The following PCDHGB7 variants were observed in gnomAD, a reference collection of about 807,000 sequenced individuals.
PCDHGB7 encodes the protein protocadherin gamma subfamily B, 7, also known as protocadherin gamma-B7.
In PCDHGB7, 37 loss-of-function variants were observed where a neutral mutation model predicts 61.4. The observed-to-expected ratio is 0.60, with a 90% CI of 0.46 to 0.79. The LOEUF is 0.79. Ranked by LOEUF, PCDHGB7 falls within the 30% of genes least tolerant of loss-of-function variation. The probability of loss-of-function intolerance (pLI) is 0.00; values close to 1 mark genes in which losing one functional copy is unlikely to be tolerated. For synonymous variants in PCDHGB7, 464 were observed against 503.5 expected, an observed-to-expected ratio of 0.92 and a Z score of 1.05; for missense variants, 1,166 against 1,202.5, an observed-to-expected ratio of 0.97 and a Z score of 0.45.
chr5:141,494,510 C>T (rs1462702765), intron 1 of PCDHGB7, among the ~76,000 whole-genome samples: 1 of 152,156 alleles, frequency 6.6e-6, no homozygotes, highest in Non-Finnish European at 1.5e-5. Context: ...TGAATTTTGG[C>T]TCAGGAGTTC....
intron 3 of PCDHGB7, among the ~76,000 whole-genome samples, chr5:141,506,032 G>A (rs994735467): frequency 5.9e-5 from 9 of 152,166 alleles, no homozygotes; most frequent in Non-Finnish European, 1.0e-4. Context: ...TCCAGAGTAG[G>A]ATTCTGGTTT....
rs1221067458 is a variant in PCDHGB7 at position 141,491,658 on chromosome 5, C to T, written c.2416-3149C>T. The T allele has an allele frequency of 3.1e-6, 5 of 1,613,822 alleles. No individual in the cohort carries two copies. The highest frequency in any genetic ancestry group is 2.2e-5 in the South Asian group (2 of 91,088). Reference sequence around the variant, plus strand: ...CCACAGCTCTGGCGCTGGAGCCTGACGCCATCCGGTCCCGCTCTAATACGC... The same window carrying T: ...CCACAGCTCTGGCGCTGGAGCCTGATGCCATCCGGTCCCGCTCTAATACGC... On this transcript the variant is annotated intron_variant, in intron 1 of 3. Coordinates refer to ENST00000398594, the MANE Select transcript of PCDHGB7 (RefSeq NM_018927.4). The surrounding 1 kb of genome is among the most constrained non-coding windows in gnomAD (Gnocchi z 6.9).
chr5:141,498,725 A>AGT (rs2099785409), intron 2 of PCDHGB7, among the ~76,000 whole-genome samples: 1 of 152,150 alleles, frequency 6.6e-6, no homozygotes, highest in Non-Finnish European at 1.5e-5. Flanking sequence ...TGAGGTCAGG[A>AGT]GTTTGAGACC....
intron 2 of PCDHGB7, among the ~76,000 whole-genome samples, chr5:141,498,962 A>G (rs1257746192): frequency 8.0e-6 from 1 of 124,866 alleles, no homozygotes; most frequent in Non-Finnish European, 1.7e-5. Context: ...AGAGAGAGGG[A>G]GGGAGGGAGG....
At position 141,485,413 on chromosome 5, in the gene PCDHGB7, C is replaced by T; in HGVS notation, c.2416-9394C>T. ...AAAGACACTTCCGTGTGGATTTGGA[C>T]AGCGGAGCCCTGCTCATCAAGAACC... On this transcript the variant is annotated intron_variant, in intron 1 of 3. Transcript: ENST00000398594. The surrounding 1 kb of genome is among the most constrained non-coding windows in gnomAD (Gnocchi z 5.7). The T allele has an allele frequency of 6.2e-7, 1 of 1,614,158 alleles. No individual in the cohort carries two copies. The highest frequency in any genetic ancestry group is 8.5e-7 in the Non-Finnish European group (1 of 1,180,030).
chr5:141,423,238 G>C (rs765040062), intron 1 of PCDHGB7: 4 of 1,613,778 alleles, frequency 2.5e-6, no homozygotes, highest in South Asian at 2.2e-5. Context: ...CAGCATCCCC[G>C]AAGTCCTGGC....
rs767497197 is a variant in PCDHGB7, at chr5:141,486,350, T to C, written c.2416-8457T>C. The C allele has an allele frequency of 6.2e-7, 1 of 1,614,128 alleles. No homozygotes were observed. Among genetic ancestry groups the C allele is most frequent in the South Asian group, 1.1e-5 (1 of 91,074 alleles). On this transcript the variant is annotated intron_variant, in intron 1 of 3. Transcript: ENST00000398594. The surrounding 1 kb of genome is among the most constrained non-coding windows in gnomAD (Gnocchi z 5.0). ...TGTGAGCCTCCGCATTCCTGACCAC[T>C]TGCCATTTGCCCTCAAGTCTGCCTT...
In PCDHGB7 at chr5:141,432,184, C is replaced by G; in HGVS notation, c.2415+11910C>G. 1 of 1,614,164 alleles carries G rather than the reference C, an allele frequency of 6.2e-7. No individual in the cohort carries two copies. The highest frequency in any genetic ancestry group is 2.2e-5 in the East Asian group (1 of 44,872). On this transcript the variant is annotated intron_variant, in intron 1 of 3. Coordinates refer to ENST00000398594, the MANE Select transcript of PCDHGB7 (RefSeq NM_018927.4). This position sits in a 1 kb window ranked among gnomAD's most constrained non-coding sequence, Gnocchi z 6.0. Reference sequence around the variant, plus strand: ...GAGGAGTTTCCCTCGTCTCTGTGACCGCCCACGACCCCGACTGTGAAGAGA... The same window carrying G: ...GAGGAGTTTCCCTCGTCTCTGTGACGGCCCACGACCCCGACTGTGAAGAGA...
intron 1 of PCDHGB7, among the ~76,000 whole-genome samples, chr5:141,457,984 A>G (rs1210742359): frequency 2.0e-5 from 3 of 152,226 alleles, no homozygotes; most frequent in Non-Finnish European, 1.5e-5. Context: ...ACACCCTTTC[A>G]GTTAAAGCCT....
At chr5:141,475,322 G>A (rs1352768659) in intron 1 of PCDHGB7, among the ~76,000 whole-genome samples, 1 of 152,204 alleles carries the variant, frequency 6.6e-6, no homozygotes, top group African/African-American at 2.4e-5. Flanking sequence ...CTTAAGAAAT[G>A]AGAGCTAACA....
intron 1 of PCDHGB7, 97 bp from the exon 2 acceptor site, chr5:141,494,710 C>G: frequency 6.2e-7 from 1 of 1,600,966 alleles, no homozygotes; most frequent in Admixed American, 1.7e-5. Context: ...TCTCTGTGCC[C>G]ACTCCCCTCC....
At chr5:141,426,037 G>A (rs2096911238) in intron 1 of PCDHGB7, among the ~76,000 whole-genome samples, 1 of 152,176 alleles carries the variant, frequency 6.6e-6, no homozygotes, top group South Asian at 2.1e-4. Flanking sequence ...TCAGAGCCCT[G>A]CTGTTGGCCA....
chr5:141,453,022 T>C (rs1222692572), intron 1 of PCDHGB7, among the ~76,000 whole-genome samples: 1 of 152,230 alleles, frequency 6.6e-6, no homozygotes, highest in Non-Finnish European at 1.5e-5. Flanking sequence ...ATGTGATTCA[T>C]TAAAATAAAG....
rs540471918 is a variant in PCDHGB7 at position 141,433,283 on chromosome 5, T to C, written c.2415+13009T>C. ...ATCATAGCTCACTGCAGCCTCAAAC[T>C]CCTAGGCTCAAGCAATTATCCCACC... On this transcript the variant is annotated intron_variant, in intron 1 of 3. Coordinates refer to ENST00000398594, the MANE Select transcript of PCDHGB7 (RefSeq NM_018927.4). The C allele has an allele frequency of 4.2e-5, 50 of 1,183,074 alleles. No homozygotes were observed. In the Admixed American group the frequency reaches 7.9e-4, roughly 19 times the overall value. 73.3% of individuals were successfully genotyped at this position (1,183,074 alleles called of 1,614,324 possible).
chr5:141,476,018 A>G lies in PCDHGB7; in HGVS notation c.2416-18789A>G. 7.3e-7 allele frequency: 1 copy of G among 1,371,412 alleles called. No homozygotes were observed. Among genetic ancestry groups the G allele is most frequent in the African/African-American group, 1.4e-5 (1 of 69,226 alleles). The allele number at this position is 1,371,412 out of a possible 1,614,324, so 85.0% of individuals were successfully genotyped here. A position where few individuals can be genotyped will look rare whatever the true frequency, so the allele number is the denominator to read the frequency against. The stretch of plus-strand genomic sequence containing the variant: ...AACGGCATCCAGAAAGCCATGTCGG[A>G]CTCGGCGCCCAGCGCCCAAGCGCTA... On this transcript the variant is annotated intron_variant, in intron 1 of 3. Coordinates refer to ENST00000398594, the MANE Select transcript of PCDHGB7 (RefSeq NM_018927.4). This position sits in a 1 kb window ranked among gnomAD's most constrained non-coding sequence, Gnocchi z 7.6.
In PCDHGB7 at chr5:141,432,115, C is replaced by G. The variant is rs753088299; in HGVS notation, c.2415+11841C>G. On this transcript the variant is annotated intron_variant, in intron 1 of 3. Transcript: ENST00000398594. This position sits in a 1 kb window ranked among gnomAD's most constrained non-coding sequence, Gnocchi z 6.0. ...ACACCAACGACAACCCGCCGGTCTT[C>G]CCTCAGGCCTCCTATTCCGCTTATA... The G allele has an allele frequency of 1.2e-5, 20 of 1,614,178 alleles. No individual in the cohort carries two copies. Among genetic ancestry groups the G allele is most frequent in the Non-Finnish European group, 1.6e-5 (19 of 1,180,050 alleles).
At chr5:141,503,478 C>T (rs1249372985) in intron 2 of PCDHGB7, among the ~76,000 whole-genome samples, 3 of 151,680 alleles carry the variant, frequency 2.0e-5, no homozygotes, top group East Asian at 1.9e-4. Context: ...GTGCACTTGT[C>T]GTCCCAGCTG....
In PCDHGB7 at chr5:141,486,336, G is replaced by A. The variant is rs534793835; in HGVS notation, c.2416-8471G>A. 3.8e-5 allele frequency: 61 copies of A among 1,613,992 alleles called. No individual in the cohort carries two copies. In the African/African-American group the frequency reaches 4.3e-4, roughly 11 times the overall value. On this transcript the variant is annotated intron_variant, in intron 1 of 3. Coordinates refer to ENST00000398594, the MANE Select transcript of PCDHGB7 (RefSeq NM_018927.4). The surrounding 1 kb of genome is among the most constrained non-coding windows in gnomAD (Gnocchi z 5.0). The stretch of plus-strand genomic sequence containing the variant: ...GGGTCAAACGGAGATGTGAGCCTCC[G>A]CATTCCTGACCACTTGCCATTTGCC...
intron 1 of PCDHGB7, among the ~76,000 whole-genome samples, chr5:141,443,131 A>G (rs1042010214): frequency 7.2e-5 from 11 of 152,144 alleles, no homozygotes; most frequent in Non-Finnish European, 1.6e-4. Context: ...GATTAAGAAC[A>G]CTATCATAAG....
Sources: allele counts gnomAD v4.1 joint callset (sites outside exome capture counted in the v4.1 genomes callset), GRCh38; gene constraint gnomAD v4.1.1; non-coding constraint Gnocchi (gnomAD v3.1); transcripts MANE v1.5; gene names NCBI Gene and HGNC (gene_info 2026-07-23, HGNC 2026-07-21).